Variants in ADGRL2 observed in about 807,000 individuals in gnomAD.
The protein encoded by ADGRL2 is calcium-independent alpha-latrotoxin receptor 2.
Under a neutral mutation model 157.4 loss-of-function variants are expected in ADGRL2, and 44 were observed. The observed-to-expected ratio is 0.28, with a 90% confidence interval of 0.22 to 0.36. ADGRL2 has a LOEUF of 0.36. Ranked by LOEUF, ADGRL2 falls within the 10% of genes least tolerant of loss-of-function variation. The probability of loss-of-function intolerance (pLI) is 1.00; values close to 1 mark genes in which losing one functional copy is unlikely to be tolerated. For missense variants in ADGRL2, 1,510 were observed against 1,768.9 expected, an observed-to-expected ratio of 0.85 and a Z score of 2.63; for synonymous variants, 585 against 624.7, an observed-to-expected ratio of 0.94 and a Z score of 0.95.
At position 81,898,069 on chromosome 1, in the gene ADGRL2, C is replaced by T. The variant is rs75155727; in HGVS notation, c.74-8948C>T. On this transcript the variant is annotated intron_variant, in intron 2 of 23. Coordinates refer to ENST00000686636, the MANE Select transcript of ADGRL2 (RefSeq NM_001366006.2). ...GGGCTGCAGTGAACTATGATTGTAC[C>T]ACTGCACTCCAGCTGGACAACAGAG... is the stretch of plus-strand genomic sequence containing the variant. Among the ~76,000 whole-genome samples the T allele has an allele frequency of 3.4e-3, 513 of 152,158 alleles. 21 individuals carry two copies. The South Asian group carries it at 0.054, about 16-fold the overall frequency.
intron 1 of ADGRL2, among the ~76,000 whole-genome samples, chr1:81,757,391 T>C (rs980584810): frequency 6.6e-6 from 1 of 152,146 alleles, no homozygotes; most frequent in Non-Finnish European, 1.5e-5. Context: ...CCTAGATTAA[T>C]AGTCAGACAA....
chr1:81,685,258 A>C (rs1218909193), intron 3 of ADGRL2, among the ~76,000 whole-genome samples: 2 of 152,294 alleles, frequency 1.3e-5, no homozygotes, highest in East Asian at 1.9e-4. Context: ...TGATTCTACC[A>C]ATCTATGAGC....
chr1:81,909,156 G>A (rs2094652155), intron 3 of ADGRL2, among the ~76,000 whole-genome samples: 6 of 152,144 alleles, frequency 3.9e-5, no homozygotes. Context: ...GATTACAGAT[G>A]TGAGTTGCCA....
chr1:81,461,458 A>G (rs2077926721), intron 2 of ADGRL2, among the ~76,000 whole-genome samples: 1 of 152,148 alleles, frequency 6.6e-6, no homozygotes, highest in African/African-American at 2.4e-5. Flanking sequence ...GATATCATAG[A>G]GTGTCAGTAA....
chr1:81,343,557 T>C (rs1662246036), intron 1 of ADGRL2, among the ~76,000 whole-genome samples: 1 of 152,176 alleles, frequency 6.6e-6, no homozygotes, highest in African/African-American at 2.4e-5. Context: ...CTTAAACAAC[T>C]AATCCTTATT....
chr1:81,327,177 C>T (rs933972430), intron 1 of ADGRL2, among the ~76,000 whole-genome samples: 1 of 152,132 alleles, frequency 6.6e-6, no homozygotes, highest in South Asian at 2.1e-4. Flanking sequence ...TTATGCATTT[C>T]ATACATAATG....
intron 2 of ADGRL2, among the ~76,000 whole-genome samples, chr1:81,563,464 A>G (rs147090931): frequency 0.025 from 3,800 of 152,288 alleles, 76 homozygotes; most frequent in East Asian, 0.038. Flanking sequence ...GAGGAGACAA[A>G]GAAAACTGAA....
intron 2 of ADGRL2, among the ~76,000 whole-genome samples, chr1:81,579,007 T>C (rs1280931397): frequency 6.6e-6 from 1 of 152,186 alleles, no homozygotes; most frequent in Non-Finnish European, 1.5e-5. Flanking sequence ...CATTCCCTGC[T>C]CAGAACAGTG....
chr1:81,574,274 A>AG (rs1299048554), intron 2 of ADGRL2, among the ~76,000 whole-genome samples: 1 of 152,102 alleles, frequency 6.6e-6, no homozygotes, highest in Non-Finnish European at 1.5e-5. Context: ...AAGCTGCAGA[A>AG]GGAGGAAAAA....
At chr1:81,552,395 T>C (rs555234832) in intron 2 of ADGRL2, among the ~76,000 whole-genome samples, 31 of 152,208 alleles carry the variant, frequency 2.0e-4, no homozygotes, top group South Asian at 4.1e-4. Flanking sequence ...CTCTCTTTCT[T>C]GCTCTATAAA....
chr1:81,970,737 C>T (rs6598976), intron 16 of ADGRL2, among the ~76,000 whole-genome samples: 151,855 of 152,272 alleles, frequency 1, 75,720 homozygotes, highest in Middle Eastern at 1. Flanking sequence ...AGGCAGATTC[C>T]AAATTATGGA....
At chr1:81,796,919 C>G (rs2087618682), upstream of ADGRL2, among the ~76,000 whole-genome samples, 1 of 152,204 alleles carries the variant, frequency 6.6e-6, no homozygotes, top group African/African-American at 2.4e-5. Context: ...GGGAGAATAG[C>G]TAAAACCTTA....
intron 1 of ADGRL2, among the ~76,000 whole-genome samples, chr1:81,364,274 G>C (rs2076026679): frequency 6.6e-6 from 1 of 151,680 alleles, no homozygotes; most frequent in Admixed American, 6.6e-5. Context: ...CTGAGTCAAA[G>C]CTCACCATTT....
At chr1:81,458,499 ATC>A (rs887425365) in intron 2 of ADGRL2, among the ~76,000 whole-genome samples, 1 of 152,056 alleles carries the variant, frequency 6.6e-6, no homozygotes, top group African/African-American at 2.4e-5. Context: ...CCAGTGGGAA[ATC>A]TCTGCAGCCA....
At chr1:81,781,669 G>T (rs1338403489) in intron 2 of ADGRL2, among the ~76,000 whole-genome samples, 1 of 152,154 alleles carries the variant, frequency 6.6e-6, no homozygotes, top group Non-Finnish European at 1.5e-5. Context: ...ATTTAGCCAA[G>T]GATATAGAAC....
At chr1:81,780,666 T>C (rs1391388812) in intron 2 of ADGRL2, among the ~76,000 whole-genome samples, 1 of 152,184 alleles carries the variant, frequency 6.6e-6, no homozygotes. Flanking sequence ...TTCTACCTTA[T>C]AGGGTTGTTG....
chr1:81,943,447 T>C lies in ADGRL2; in HGVS notation c.888T>C (p.Asn296=). 1 of 1,613,668 alleles carries C rather than the reference T, an allele frequency of 6.2e-7. No homozygotes were observed. Among genetic ancestry groups the C allele is most frequent in the South Asian group, 1.1e-5 (1 of 91,072 alleles). ...NNGMIVISQL[N]PYTLRFEATW... is the part of the protein sequence containing the mutation. The stretch of plus-strand genomic sequence containing the variant: ...GAATGATAGTTATTAGCCAGCTGAA[T>C]CCATACACTCTTCGATTTGAAGCAA... The change falls in exon 6 of 24, where the codon AAT becomes AAC. Residue 296 remains asparagine, a synonymous_variant. Transcript: ENST00000686636. This position sits in a 1 kb window ranked among gnomAD's most constrained non-coding sequence, Gnocchi z 5.6.
intron 1 of ADGRL2, chr1:81,721,728 T>A: frequency 7.1e-7 from 1 of 1,410,452 alleles, no homozygotes. Context: ...CAGGCCCTTG[T>A]GAAAATGTGT....
chr1:81,357,393 T>C (rs1037309630), intron 1 of ADGRL2, among the ~76,000 whole-genome samples: 2 of 152,206 alleles, frequency 1.3e-5, no homozygotes, highest in African/African-American at 4.8e-5. Flanking sequence ...CTCCTTTATA[T>C]TCAGTTGATT....
Sources: allele counts gnomAD v4.1 joint callset (sites outside exome capture counted in the v4.1 genomes callset), GRCh38; gene constraint gnomAD v4.1.1; non-coding constraint Gnocchi (gnomAD v3.1); transcripts MANE v1.5; gene names NCBI Gene and HGNC (gene_info 2026-07-23, HGNC 2026-07-21).